Variants in WNK3 observed in about 807,000 individuals in gnomAD.
WNK3 encodes the protein WNK lysine deficient protein kinase 3.
Under a neutral mutation model 116.7 loss-of-function variants are expected in WNK3, and 18 were observed. The ratio of observed to expected loss-of-function variants is 0.15; its 90% confidence interval spans 0.11 to 0.23. The LOEUF is 0.23. WNK3 is among the 10% of genes least tolerant of loss of function. The pLI is 1.00. For missense variants in WNK3, 993 were observed against 1,323.8 expected (o/e 0.75, Z 3.88); for synonymous variants, 404 against 469.4 (o/e 0.86, Z 1.80).
At chrX:54,355,829 G>A (rs533396080) in intron 1 of WNK3, among the ~76,000 whole-genome samples, 10 of 111,510 alleles carry the variant, frequency 9.0e-5, no homozygotes, top group African/African-American at 1.9e-4. Flanking sequence ...CTGGGAGGCC[G>A]CCTTGCCTGG....
chrX:54,343,837 T>C (rs2069366423), intron 1 of WNK3, among the ~76,000 whole-genome samples: 1 of 109,762 alleles, frequency 9.1e-6, no homozygotes, highest in South Asian at 4.0e-4. Flanking sequence ...TTTTTAATTT[T>C]TTTTGTAGAG....
intron 13 of WNK3, among the ~76,000 whole-genome samples, chrX:54,252,641 G>A (rs2068146539): frequency 9.9e-6 from 1 of 101,227 alleles, no homozygotes; most frequent in Non-Finnish European, 2.0e-5. Context: ...CTGCCCTCCA[G>A]CCTGGGCAAT....
intron 5 of WNK3, among the ~76,000 whole-genome samples, chrX:54,304,231 TA>T (rs1177342673): frequency 1.8e-5 from 2 of 109,762 alleles, no homozygotes; most frequent in Admixed American, 9.9e-5. Flanking sequence ...AAGAACCTTT[TA>T]AAAAAAAATC....
chrX:54,217,362 C>T (rs2067710077), intron 22 of WNK3, among the ~76,000 whole-genome samples: 1 of 93,205 alleles, frequency 1.1e-5, no homozygotes, highest in African/African-American at 4.0e-5. Flanking sequence ...GGCGCGGTGG[C>T]TCACACCTGT....
At chrX:54,356,826 C>T (rs972051904) in intron 1 of WNK3, among the ~76,000 whole-genome samples, 3 of 111,067 alleles carry the variant, frequency 2.7e-5, no homozygotes, top group African/African-American at 9.8e-5. Context: ...CTCATTTTAA[C>T]AGTCTCTCAA....
intron 10 of WNK3, among the ~76,000 whole-genome samples, chrX:54,274,599 T>C (rs1205445700): frequency 1.8e-5 from 2 of 111,810 alleles, no homozygotes; most frequent in Non-Finnish European, 3.8e-5. Flanking sequence ...AATGAGATTA[T>C]TTCTCCATGA....
intron 21 of WNK3, among the ~76,000 whole-genome samples, chrX:54,231,680 C>T (rs1254961715): frequency 4.5e-5 from 5 of 112,100 alleles, no homozygotes; most frequent in African/African-American, 6.5e-5. Flanking sequence ...ATCTCCCTAT[C>T]TTAGAGTCAG....
At chrX:54,313,440 C>T (rs1362571079) in intron 2 of WNK3, among the ~76,000 whole-genome samples, 10 of 108,949 alleles carry the variant, frequency 9.2e-5, no homozygotes, top group Non-Finnish European at 1.5e-4. Flanking sequence ...CAACCTCCGT[C>T]TCCCGGGTTC....
intron 5 of WNK3, among the ~76,000 whole-genome samples, chrX:54,302,683 A>C: frequency 1.1e-5 from 1 of 89,603 alleles, no homozygotes; most frequent in Non-Finnish European, 2.1e-5. Context: ...AGGCTTCTCT[A>C]TTTCAAACAT....
At chrX:54,247,689 TATA>T (rs1459612731) in intron 17 of WNK3, among the ~76,000 whole-genome samples, 7 of 110,542 alleles carry the variant, frequency 6.3e-5, no homozygotes, top group African/African-American at 2.3e-4. Flanking sequence ...TTATTACTTA[TATA>T]ATAACAAAAA....
chrX:54,301,717 G>A, intron 6 of WNK3, 54 bp downstream of exon 6: 1 of 1,091,453 alleles, frequency 9.2e-7, no homozygotes, highest in South Asian at 1.9e-5. Flanking sequence ...CCCAATGCAA[G>A]ATAAGAGAAA....
At chrX:54,282,499 G>A (rs1197356228) in intron 10 of WNK3, among the ~76,000 whole-genome samples, 2 of 111,527 alleles carry the variant, frequency 1.8e-5, no homozygotes, top group Non-Finnish European at 3.8e-5. Context: ...ATATTACTAA[G>A]AGACAATACT....
At chrX:54,290,431 A>T (rs2068626441) in intron 10 of WNK3, among the ~76,000 whole-genome samples, 1 of 111,920 alleles carries the variant, frequency 8.9e-6, no homozygotes, top group Non-Finnish European at 1.9e-5. Flanking sequence ...GCCCATTTTA[A>T]TGGGACTTTC....
At chrX:54,298,092 G>A (rs1320622481) in intron 7 of WNK3, 83 bp downstream of exon 7, 12 of 690,827 alleles carry the variant, frequency 1.7e-5, no homozygotes, top group Non-Finnish European at 2.5e-5. Context: ...GAGAAAATGA[G>A]AGGAAAGAAA....
At chrX:54,231,493 C>T (rs1332500040) in intron 21 of WNK3, among the ~76,000 whole-genome samples, 1 of 111,998 alleles carries the variant, frequency 8.9e-6, no homozygotes, top group Admixed American at 9.5e-5. Context: ...GCCTTTCCAG[C>T]TTCCAGAAGT....
At chrX:54,226,564 G>A (rs782329881) in intron 22 of WNK3, among the ~76,000 whole-genome samples, 46 of 108,017 alleles carry the variant, frequency 4.3e-4, no homozygotes, top group African/African-American at 1.4e-3. Flanking sequence ...GGAATAGGCC[G>A]GGCACGGTGG....
At chrX:54,329,740 C>T (rs1444970385) in intron 2 of WNK3, among the ~76,000 whole-genome samples, 1 of 111,263 alleles carries the variant, frequency 9.0e-6, no homozygotes, top group African/African-American at 3.3e-5. Context: ...CTAGAGTACA[C>T]AGCTTGCAAA....
At chrX:54,236,226 C>T (rs1361669855) in intron 20 of WNK3, among the ~76,000 whole-genome samples, 1 of 110,712 alleles carries the variant, frequency 9.0e-6, no homozygotes, top group Non-Finnish European at 1.9e-5. Context: ...TCTCCTGCCT[C>T]GGCCTCCCAA....
intron 13 of WNK3, among the ~76,000 whole-genome samples, chrX:54,252,568 G>A (rs1330318953): frequency 1.8e-5 from 2 of 108,806 alleles, no homozygotes; most frequent in Non-Finnish European, 3.8e-5. Flanking sequence ...TACTTGGGAG[G>A]CTGAGACAGG....
Sources: allele counts gnomAD v4.1 joint callset (sites outside exome capture counted in the v4.1 genomes callset), GRCh38; gene constraint gnomAD v4.1.1; transcripts MANE v1.5; gene names NCBI Gene and HGNC (gene_info 2026-07-23, HGNC 2026-07-21).